NCAM2: variants seen among roughly 807,000 people sequenced by gnomAD.
NCAM2 encodes the protein neural cell adhesion molecule 2.
In NCAM2, 30 loss-of-function variants were observed where a neutral mutation model predicts 98.1. That is an observed-to-expected ratio of 0.31 (90% confidence interval 0.23 to 0.41). NCAM2 has a LOEUF of 0.41. NCAM2 is among the 10% of genes least tolerant of loss of function. NCAM2 has a pLI of 1.00. For synonymous variants in NCAM2, 368 were observed against 342.4 expected, an observed-to-expected ratio of 1.07 and a Z score of -0.83; for missense variants, 867 against 1,005.8, an observed-to-expected ratio of 0.86 and a Z score of 1.87.
intron 10 of NCAM2, among the ~76,000 whole-genome samples, chr21:21,415,330 C>CTTTTTTTTTT (rs34997215): frequency 1.4e-5 from 1 of 70,804 alleles, no homozygotes. Context: ...TTAGCTTGAT[C>CTTTTTTTTTT]TTTTTTTTTT....
intron 1 of NCAM2, among the ~76,000 whole-genome samples, chr21:21,221,265 C>T (rs1281315655): frequency 2.0e-5 from 3 of 152,064 alleles, no homozygotes; most frequent in African/African-American, 7.2e-5. Flanking sequence ...GAAATTTGGT[C>T]AATTACCACC....
At chr21:21,307,029 A>G (rs1422179527) in intron 5 of NCAM2, among the ~76,000 whole-genome samples, 2 of 149,678 alleles carry the variant, frequency 1.3e-5, no homozygotes, top group African/African-American at 4.9e-5. Context: ...GCATTTACCT[A>G]TACTTAAAGT....
At chr21:21,375,706 T>C (rs2076018105) in intron 9 of NCAM2, among the ~76,000 whole-genome samples, 1 of 151,770 alleles carries the variant, frequency 6.6e-6, no homozygotes, top group African/African-American at 2.4e-5. Context: ...AAATTTACTT[T>C]ATGATTTTTT....
In NCAM2 at chr21:21,442,407, T is replaced by A. The variant is rs1388668344; in HGVS notation, c.1654+10126T>A. Among the ~76,000 whole-genome samples, 4 of 152,272 alleles carry A rather than the reference T, an allele frequency of 2.6e-5. No homozygotes were observed. In the East Asian group the frequency reaches 5.8e-4, roughly 22 times the overall value. Reference sequence around the variant, plus strand: ...ATAAACGAAATAAAGAAACTGAAGCTGATTCTGACATTTTAGACCTAAAAT... The same window carrying A: ...ATAAACGAAATAAAGAAACTGAAGCAGATTCTGACATTTTAGACCTAAAAT... On this transcript the variant is annotated intron_variant, in intron 12 of 17. Coordinates refer to ENST00000400546, the MANE Select transcript of NCAM2 (RefSeq NM_004540.5).
At chr21:21,099,730 T>C (rs1428061445) in intron 1 of NCAM2, among the ~76,000 whole-genome samples, 1 of 151,894 alleles carries the variant, frequency 6.6e-6, no homozygotes, top group African/African-American at 2.4e-5. Flanking sequence ...TAGCTTTAGC[T>C]AGTTTCCAAG....
intron 1 of NCAM2, among the ~76,000 whole-genome samples, chr21:21,058,459 TTTGTGTTAAA>T (rs1392545248): frequency 2.0e-5 from 3 of 152,130 alleles, no homozygotes; most frequent in Non-Finnish European, 4.4e-5. Flanking sequence ...TATGTGTTAA[TTTGTGTTAAA>T]GATTATTACC....
At chr21:21,501,520 A>T (rs1197482807) in intron 15 of NCAM2, among the ~76,000 whole-genome samples, 1 of 151,944 alleles carries the variant, frequency 6.6e-6, no homozygotes, top group Non-Finnish European at 1.5e-5. Flanking sequence ...TAATTTTATT[A>T]ATTCTATTTT....
At chr21:21,237,486 T>A (rs1470394105) in intron 1 of NCAM2, among the ~76,000 whole-genome samples, 1 of 152,192 alleles carries the variant, frequency 6.6e-6, no homozygotes, top group Non-Finnish European at 1.5e-5. Context: ...TTTATTTTTC[T>A]ATGAATTAGG....
intron 5 of NCAM2, among the ~76,000 whole-genome samples, chr21:21,315,347 A>T (rs10854451): frequency 6.6e-6 from 1 of 151,970 alleles, no homozygotes; most frequent in Non-Finnish European, 1.5e-5. Flanking sequence ...CCTTCCTAAG[A>T]CCTTCCTACT....
At chr21:21,433,582 A>C (rs528108441) in intron 12 of NCAM2, among the ~76,000 whole-genome samples, 1 of 151,350 alleles carries the variant, frequency 6.6e-6, no homozygotes, top group East Asian at 2.0e-4. Context: ...TACTAAAAGT[A>C]CAAAAAAAAA....
intron 1 of NCAM2, among the ~76,000 whole-genome samples, chr21:21,121,088 T>C (rs1295258630): frequency 6.6e-6 from 1 of 152,232 alleles, no homozygotes; most frequent in African/African-American, 2.4e-5. Context: ...GTTGGATTTC[T>C]CAGTAGTGTA....
chr21:21,262,339 T>G (rs2071937132), intron 1 of NCAM2, among the ~76,000 whole-genome samples: 1 of 152,094 alleles, frequency 6.6e-6, no homozygotes, highest in Non-Finnish European at 1.5e-5. Flanking sequence ...AGAAGGGGTT[T>G]CTTCCTAACT....
At chr21:21,131,134 T>C (rs553339170) in intron 1 of NCAM2, among the ~76,000 whole-genome samples, 2 of 152,314 alleles carry the variant, frequency 1.3e-5, no homozygotes, top group South Asian at 2.1e-4. Context: ...TTAACACTTA[T>C]GAAAATCACA....
intron 1 of NCAM2, among the ~76,000 whole-genome samples, chr21:21,124,309 T>C (rs2066741642): frequency 6.6e-6 from 1 of 152,212 alleles, no homozygotes; most frequent in African/African-American, 2.4e-5. Flanking sequence ...TTCATTCTTA[T>C]ATTTAGAATG....
chr21:21,168,273 A>G (rs1278112146), intron 1 of NCAM2, among the ~76,000 whole-genome samples: 2 of 152,070 alleles, frequency 1.3e-5, no homozygotes, highest in East Asian at 3.9e-4. Flanking sequence ...AATTCTCAGC[A>G]AACAAACAAT....
At position 21,286,431 on chromosome 21, in the gene NCAM2, C is replaced by T. The variant is rs750013015; in HGVS notation, c.481+19C>T. 2 of 1,608,272 alleles carry T rather than the reference C, an allele frequency of 1.2e-6. No individual in the cohort carries two copies. Among genetic ancestry groups the T allele is most frequent in the Non-Finnish European group, 1.7e-6 (2 of 1,176,094 alleles). ...TCCGACAGTTAGTATTTTGGTAACT[C>T]CCTAAGTTATATGTTCTAATACTAT... is the stretch of plus-strand genomic sequence containing the variant. On this transcript the variant is annotated intron_variant, in intron 4 of 17. Transcript: ENST00000400546.
intron 8 of NCAM2, among the ~76,000 whole-genome samples, chr21:21,368,625 T>C (rs541158517): frequency 6.6e-6 from 1 of 151,994 alleles, no homozygotes; most frequent in African/African-American, 2.4e-5. Context: ...CTTGTGTTCT[T>C]ATATGGTGCA....
At chr21:21,150,481 A>T (rs906769292) in intron 1 of NCAM2, among the ~76,000 whole-genome samples, 1 of 152,132 alleles carries the variant, frequency 6.6e-6, no homozygotes, top group Non-Finnish European at 1.5e-5. Context: ...GTAGACTTTT[A>T]AAAGAGATTC....
At chr21:21,512,423 T>C (rs1237655984) in intron 16 of NCAM2, among the ~76,000 whole-genome samples, 1 of 151,986 alleles carries the variant, frequency 6.6e-6, no homozygotes, top group Non-Finnish European at 1.5e-5. Context: ...GTCTGGGTTC[T>C]CTACGCCATT....
Sources: allele counts gnomAD v4.1 joint callset (sites outside exome capture counted in the v4.1 genomes callset), GRCh38; gene constraint gnomAD v4.1.1; transcripts MANE v1.5; gene names NCBI Gene and HGNC (gene_info 2026-07-23, HGNC 2026-07-21).